KCTD16: variants seen among roughly 807,000 people sequenced by gnomAD.
KCTD16 encodes BTB/POZ domain-containing protein KCTD16.
Under a neutral mutation model 33.2 loss-of-function variants are expected in KCTD16, and 13 were observed. The ratio of observed to expected loss-of-function variants is 0.39; its 90% CI spans 0.25 to 0.62. The LOEUF (loss-of-function observed/expected upper bound fraction) is 0.62, where lower values mean the gene tolerates loss of function less well. Among genes scored for constraint, KCTD16 ranks in the 20% least tolerant of loss-of-function variants. KCTD16 has a pLI of 0.50. For missense variants in KCTD16, 441 were observed against 525.1 expected (o/e 0.84, Z 1.57); for synonymous variants, 197 against 195.3 (o/e 1.01, Z -0.07).
At chr5:144,351,596 T>A (rs1473180720) in intron 3 of KCTD16, among the ~76,000 whole-genome samples, 1 of 152,236 alleles carries the variant, frequency 6.6e-6, no homozygotes, top group Non-Finnish European at 1.5e-5. Context: ...AAGAGATATC[T>A]GCATTCCCAT....
chr5:144,386,247 T>C (rs192788522), intron 3 of KCTD16, among the ~76,000 whole-genome samples: 5 of 152,302 alleles, frequency 3.3e-5, no homozygotes, highest in Admixed American at 2.6e-4. Flanking sequence ...AGCTAGGGTG[T>C]GTACTTCATG....
chr5:144,398,400 A>C (rs1752626769), intron 3 of KCTD16, among the ~76,000 whole-genome samples: 2 of 152,180 alleles, frequency 1.3e-5, no homozygotes, highest in African/African-American at 4.8e-5. Context: ...CAATCTTATT[A>C]TGTTTATGTC....
At chr5:144,412,627 T>C (rs1752957390) in intron 3 of KCTD16, among the ~76,000 whole-genome samples, 1 of 152,184 alleles carries the variant, frequency 6.6e-6, no homozygotes, top group African/African-American at 2.4e-5. Context: ...GGCTCATGCC[T>C]GTAATCCCAG....
At chr5:144,181,004 C>T (rs1248114139) in intron 2 of KCTD16, among the ~76,000 whole-genome samples, 1 of 151,710 alleles carries the variant, frequency 6.6e-6, no homozygotes, top group Non-Finnish European at 1.5e-5. Flanking sequence ...GCGATCTCGG[C>T]TCACTGCAAG....
intron 3 of KCTD16, among the ~76,000 whole-genome samples, chr5:144,228,063 A>G (rs1753988033): frequency 6.6e-6 from 1 of 152,192 alleles, no homozygotes; most frequent in Non-Finnish European, 1.5e-5. Context: ...TGTAGGGCAG[A>G]GTTCAGGCTT....
chr5:144,471,254 T>G (rs945978225), intron 3 of KCTD16, among the ~76,000 whole-genome samples: 1 of 152,148 alleles, frequency 6.6e-6, no homozygotes, highest in African/African-American at 2.4e-5. Context: ...TCCTTCTGGG[T>G]CCATTGAATG....
intron 3 of KCTD16, among the ~76,000 whole-genome samples, chr5:144,437,225 T>C (rs1580964054): frequency 6.6e-6 from 1 of 152,294 alleles, no homozygotes; most frequent in East Asian, 1.9e-4. Context: ...TGTGAATTTC[T>C]GGGAGTAATC....
At chr5:144,299,119 T>TATATAC (rs1756155075) in intron 3 of KCTD16, among the ~76,000 whole-genome samples, 1 of 19,746 alleles carries the variant, frequency 5.1e-5, no homozygotes, top group African/African-American at 4.4e-4. Flanking sequence ...TATATATATA[T>TATATAC]ATATATATAT....
intron 3 of KCTD16, among the ~76,000 whole-genome samples, chr5:144,283,962 G>A (rs1325370516): frequency 6.6e-6 from 1 of 152,112 alleles, no homozygotes; most frequent in African/African-American, 2.4e-5. Context: ...CCTCAAAAAT[G>A]GCTGGATCCA....
rs565714109 is a variant in KCTD16, at chr5:144,472,583, T to C, written c.833-1077T>C. On this transcript the variant is annotated intron_variant, in intron 3 of 3. Coordinates refer to ENST00000512467, the MANE Select transcript of KCTD16 (RefSeq NM_020768.4). ...TGGCAAGACTAGCTTCAGGTGTGGC[T>C]AGATCCAGGTACTTATAAGTTATAA... Among the ~76,000 whole-genome samples the C allele has an allele frequency of 5.3e-5, 8 of 152,372 alleles. No homozygotes were observed. In the East Asian group the frequency reaches 1.5e-3, roughly 29 times the overall value.
intron 3 of KCTD16, among the ~76,000 whole-genome samples, chr5:144,242,951 A>G (rs1754445229): frequency 6.6e-6 from 1 of 152,184 alleles, no homozygotes; most frequent in South Asian, 2.1e-4. Context: ...AATCATAGCA[A>G]TTATTATTAA....
At chr5:144,362,040 A>G (rs1042148766) in intron 3 of KCTD16, among the ~76,000 whole-genome samples, 51 of 152,074 alleles carry the variant, frequency 3.4e-4, no homozygotes, top group African/African-American at 1.1e-3. Flanking sequence ...AACTGTAATC[A>G]GTTTACTCTA....
At chr5:144,240,836 C>A (rs1754382349) in intron 3 of KCTD16, among the ~76,000 whole-genome samples, 1 of 152,030 alleles carries the variant, frequency 6.6e-6, no homozygotes, top group Non-Finnish European at 1.5e-5. Flanking sequence ...AACAAGATAC[C>A]AGGGAGGCGG....
At chr5:144,377,966 T>C (rs958762280) in intron 3 of KCTD16, 4 of 152,226 alleles carry the variant, frequency 2.6e-5, no homozygotes, top group African/African-American at 9.6e-5. Context: ...TGAATGTATG[T>C]GTTGTGTGTG....
At position 144,221,711 on chromosome 5, in the gene KCTD16, G is replaced by T. The variant is rs138470626; in HGVS notation, c.832+14165G>T. Among the ~76,000 whole-genome samples, 629 of 152,280 alleles carry T rather than the reference G, an allele frequency of 4.1e-3. 4 individuals carry two copies. Among genetic ancestry groups the T allele is most frequent in the African/African-American group, 0.015 (603 of 41,544 alleles). On this transcript the variant is annotated intron_variant, in intron 3 of 3. Coordinates refer to ENST00000512467, the MANE Select transcript of KCTD16 (RefSeq NM_020768.4). ...TTTGAAGTCTTTGCTATTGTGAACG[G>T]TACTGTAATAAACATACGTGTGCAT...
chr5:144,335,790 G>A (rs1356448036), intron 3 of KCTD16, among the ~76,000 whole-genome samples: 1 of 152,150 alleles, frequency 6.6e-6, no homozygotes, highest in Non-Finnish European at 1.5e-5. Flanking sequence ...TGGCAGGTGC[G>A]AGATAGAGTT....
chr5:144,372,130 G>A (rs1046968254), intron 3 of KCTD16, among the ~76,000 whole-genome samples: 3 of 152,020 alleles, frequency 2.0e-5, no homozygotes, highest in African/African-American at 7.2e-5. Flanking sequence ...TAAAATCCTG[G>A]AGTTAGACTG....
At chr5:144,439,373 T>C (rs1427509276) in intron 3 of KCTD16, 4 of 517,390 alleles carry the variant, frequency 7.7e-6, no homozygotes, top group Admixed American at 2.1e-5. Context: ...GGAGGAATCT[T>C]GGCATTCAGC....
chr5:144,194,756 A>G (rs1424269927), intron 2 of KCTD16, among the ~76,000 whole-genome samples: 4 of 152,164 alleles, frequency 2.6e-5, no homozygotes, highest in African/African-American at 7.2e-5. Context: ...CTGGTAAACA[A>G]TGGAGGTGGG....
Sources: gnomAD v4.1 joint callset for allele counts (sites outside exome capture counted in the v4.1 genomes callset) on GRCh38, gnomAD v4.1.1 for gene constraint, MANE v1.5 for transcripts, NCBI Gene and HGNC (gene_info 2026-07-23, HGNC 2026-07-21) for gene names.